The following PLEK variants were observed in gnomAD, a reference collection of about 807,000 sequenced individuals.
PLEK encodes pleckstrin, also known as platelet 47 kDa protein.
A neutral mutation model predicts 43.9 loss-of-function variants in PLEK; 25 were observed. The ratio of observed to expected loss-of-function variants is 0.57; its 90% confidence interval spans 0.41 to 0.79. The LOEUF (loss-of-function observed/expected upper bound fraction) is 0.79. PLEK is among the 30% of genes least tolerant of loss of function. The pLI is 0.00. For synonymous variants in PLEK, 152 were observed against 144.4 expected (o/e 1.05, Z -0.38); for missense variants, 396 against 413.3 (o/e 0.96, Z 0.36).
At chr2:68,373,679 T>C (rs1462831970) in intron 1 of PLEK, among the ~76,000 whole-genome samples, 2 of 152,042 alleles carry the variant, frequency 1.3e-5, no homozygotes, top group African/African-American at 4.8e-5. Context: ...TTATCGCTAC[T>C]GATGCATCCC....
intron 1 of PLEK, among the ~76,000 whole-genome samples, chr2:68,368,468 G>C (rs553971552): frequency 6.6e-6 from 1 of 152,332 alleles, no homozygotes; most frequent in South Asian, 2.1e-4. Flanking sequence ...TAACAGCAAA[G>C]CCTACCATCT....
chr2:68,373,371 C>G (rs1673445380), intron 1 of PLEK, among the ~76,000 whole-genome samples: 1 of 152,080 alleles, frequency 6.6e-6, no homozygotes, highest in Non-Finnish European at 1.5e-5. Context: ...TCCTCAGAGT[C>G]AGACCCCGGA....
Position 68,388,507 on chromosome 2 carries a change from T to C in PLEK, c.762+16T>C. 1 of 1,294,466 alleles carries C rather than the reference T, an allele frequency of 7.7e-7. No individual in the cohort carries two copies. The highest frequency in any genetic ancestry group is 1.1e-6 in the Non-Finnish European group (1 of 888,588). The allele number at this position is 1,294,466 out of a possible 1,614,324, so 80.2% of individuals were successfully genotyped here. ...ACTGAAGCAGGTGAGTGGCCACAAC[T>C]GCTCCCATCTAGCCTTTTCCCTTTA... is the stretch of plus-strand genomic sequence containing the variant. On this transcript the variant is annotated intron_variant, in intron 6 of 8. Coordinates refer to ENST00000234313, the MANE Select transcript of PLEK (RefSeq NM_002664.3).
chr2:68,372,222 G>A (rs1423185984), intron 1 of PLEK, among the ~76,000 whole-genome samples: 2 of 150,614 alleles, frequency 1.3e-5, no homozygotes, highest in South Asian at 4.2e-4. Context: ...TGCCCAGGCT[G>A]GAGTGCAGTG....
At chr2:68,393,990 C>A in intron 7 of PLEK, 117 bp from the exon 8 acceptor site, 1 of 705,614 alleles carries the variant, frequency 1.4e-6, no homozygotes, top group African/African-American at 1.8e-5. Context: ...TCTGCTCTTA[C>A]TTATTTTGGG....
At chr2:68,388,330 C>G in intron 5 of PLEK, 57 bp from the exon 6 acceptor site, 1 of 988,926 alleles carries the variant, frequency 1.0e-6, no homozygotes. Context: ...GGAGATGGCA[C>G]AAGTTGCAAT....
intron 1 of PLEK, among the ~76,000 whole-genome samples, chr2:68,369,114 C>T (rs923827771): frequency 5.3e-5 from 8 of 152,174 alleles, no homozygotes; most frequent in Non-Finnish European, 1.2e-4. Flanking sequence ...TAACAGCTAA[C>T]GCATGTGGTG....
At chr2:68,395,098 C>G (rs543329986) in intron 8 of PLEK, among the ~76,000 whole-genome samples, 2 of 152,166 alleles carry the variant, frequency 1.3e-5, no homozygotes, top group Non-Finnish European at 2.9e-5. Context: ...CAGCAGAACT[C>G]TGACTTAGTG....
chr2:68,391,190 G>C (rs1297361360), intron 6 of PLEK, among the ~76,000 whole-genome samples: 1 of 152,172 alleles, frequency 6.6e-6, no homozygotes, highest in Non-Finnish European at 1.5e-5. Flanking sequence ...GACCAGAAAT[G>C]TACCTGCTAA....
In PLEK at chr2:68,388,440, G is replaced by A; in HGVS notation, c.711G>A (p.Leu237=). Residue 237 remains leucine (L), a synonymous_variant, in exon 6 of 9, where the codon CTG becomes CTA. Coordinates refer to ENST00000234313, the MANE Select transcript of PLEK (RefSeq NM_002664.3). ...ATTCCAGTGATGATGATGTGATTCT[G>A]AAAGAAGAATTCAGAGGGGTCATTA... is the stretch of plus-strand genomic sequence containing the variant. ...EENSSDDDVI[L]KEEFRGVIIK... is the part of the protein sequence containing the mutation. 2 of 1,612,148 alleles carry A rather than the reference G, an allele frequency of 1.2e-6. No homozygotes were observed. Among genetic ancestry groups the A allele is most frequent in the Non-Finnish European group, 8.5e-7 (1 of 1,178,194 alleles).
chr2:68,395,886 C>T lies in PLEK; in HGVS notation c.*70C>T. 3.6e-6 allele frequency: 5 copies of T among 1,380,740 alleles called. No homozygotes were observed. Among genetic ancestry groups the T allele is most frequent in the Non-Finnish European group, 5.1e-6 (5 of 978,318 alleles). 85.5% of individuals were successfully genotyped at this position (1,380,740 alleles called of 1,614,324 possible). On this transcript the variant is annotated 3_prime_UTR_variant, in exon 9 of 9. Coordinates refer to ENST00000234313, the MANE Select transcript of PLEK (RefSeq NM_002664.3). Reference sequence around the variant, plus strand: ...ACAAGCTCAGTCCAGGACCTGTCCACTTCTGTGACAAATCAACGGGAAACA... The same window carrying T: ...ACAAGCTCAGTCCAGGACCTGTCCATTTCTGTGACAAATCAACGGGAAACA...
intron 1 of PLEK, among the ~76,000 whole-genome samples, chr2:68,371,224 T>C (rs1673395109): frequency 6.6e-6 from 1 of 152,222 alleles, no homozygotes; most frequent in Non-Finnish European, 1.5e-5. Context: ...GGGAACTCAC[T>C]AATTACATTT....
rs529000793 is a variant in PLEK at position 68,375,997 on chromosome 2, C to T, written c.43-4331C>T. 2.1e-4 allele frequency among the ~76,000 whole-genome samples: 32 copies of T among 152,290 alleles called. No individual in the cohort carries two copies. In the South Asian group the frequency reaches 6.6e-3, roughly 32 times the overall value. ...TTATAGACCTTTTGCAAGTGATTTT[C>T]ATACAACTTAGCCATGCCTGCACAC... On this transcript the variant is annotated intron_variant, in intron 1 of 8. Transcript: ENST00000234313.
intron 8 of PLEK, among the ~76,000 whole-genome samples, chr2:68,395,192 T>TAC (rs1200759836): frequency 1.3e-5 from 2 of 150,528 alleles, no homozygotes; most frequent in Non-Finnish European, 1.5e-5. Flanking sequence ...TATATATATA[T>TAC]ACACACACAC....
chr2:68,383,679 A>C (rs1573076896), intron 4 of PLEK, among the ~76,000 whole-genome samples: 1 of 152,178 alleles, frequency 6.6e-6, no homozygotes, highest in Admixed American at 6.5e-5. Flanking sequence ...ACAATTTGGT[A>C]CTAAGTTTGT....
intron 1 of PLEK, among the ~76,000 whole-genome samples, chr2:68,379,586 C>T (rs958942949): frequency 1.3e-5 from 2 of 151,842 alleles, no homozygotes; most frequent in African/African-American, 4.8e-5. Context: ...GCAGTTCTTA[C>T]ACATAGCGGG....
At chr2:68,380,245 A>T in intron 1 of PLEK, 83 bp from the exon 2 acceptor site, 2 of 1,139,588 alleles carry the variant, frequency 1.8e-6, no homozygotes, top group Non-Finnish European at 2.5e-6. Flanking sequence ...AACTGTAAGT[A>T]AATATAGAAT....
intron 1 of PLEK, among the ~76,000 whole-genome samples, chr2:68,373,285 G>T (rs1673443708): frequency 6.6e-6 from 1 of 152,082 alleles, no homozygotes; most frequent in African/African-American, 2.4e-5. Flanking sequence ...TTTGTAAGTG[G>T]TCAGATTTCT....
chr2:68,375,126 C>T (rs4671912), intron 1 of PLEK, among the ~76,000 whole-genome samples: 55,611 of 151,954 alleles, frequency 0.37, 11,221 homozygotes, highest in East Asian at 0.73. Context: ...TTTTTCTGCA[C>T]TGGATGTGAT....
Sources: allele counts gnomAD v4.1 joint callset (sites outside exome capture counted in the v4.1 genomes callset), GRCh38; gene constraint gnomAD v4.1.1; transcripts MANE v1.5; gene names NCBI Gene and HGNC (gene_info 2026-07-23, HGNC 2026-07-21).